The following TASP1 variants were observed in gnomAD, a reference collection of about 807,000 sequenced individuals.
The protein encoded by TASP1 is threonine aspartase 1.
TASP1 carries 16 observed loss-of-function variants against 56.6 expected under a neutral mutation model. The ratio of observed to expected loss-of-function variants is 0.28; its 90% CI spans 0.19 to 0.43. The LOEUF is 0.43. Ranked by LOEUF, TASP1 falls within the 20% of genes least tolerant of loss-of-function variation. TASP1 has a pLI of 1.00. For synonymous variants in TASP1, 179 were observed against 184.2 expected (o/e 0.97, Z 0.23); for missense variants, 393 against 511.6 (o/e 0.77, Z 2.24).
At chr20:13,500,531 G>C (rs1023923033) in intron 10 of TASP1, among the ~76,000 whole-genome samples, 1 of 151,494 alleles carries the variant, frequency 6.6e-6, no homozygotes, top group Non-Finnish European at 1.5e-5. Flanking sequence ...ATTTATGTAA[G>C]TGAAAAAAAT....
At position 13,487,751 on chromosome 20, in the gene TASP1, A is replaced by C. The variant is rs911445835; in HGVS notation, c.875-4414T>G. On this transcript the variant is annotated intron_variant, in intron 10 of 13. Transcript: ENST00000337743. Reference sequence around the variant, plus strand: ...GAAGAATGAGCAATAGCAAAAAACAAAAAAATTATTTCAAGAAGTGAAAAT... The same window carrying C: ...GAAGAATGAGCAATAGCAAAAAACACAAAAATTATTTCAAGAAGTGAAAAT... Among the ~76,000 whole-genome samples, 3 of 152,194 alleles carry C rather than the reference A, an allele frequency of 2.0e-5. No individual in the cohort carries two copies. In the East Asian group the frequency reaches 5.8e-4, roughly 29 times the overall value.
chr20:13,110,021 A>T, the TASP1 span: 1 of 1,044,606 alleles, frequency 9.6e-7, no homozygotes. Flanking sequence ...TTTAGGTCTG[A>T]GTGTGAACAT....
rs1317646286 is a variant in TASP1 at position 13,625,177 on chromosome 20, G to A, written c.213+8C>T. 3 of 1,603,608 alleles carry A rather than the reference G, an allele frequency of 1.9e-6. No homozygotes were observed. In the African/African-American group the frequency reaches 4.0e-5, roughly 22 times the overall value. On this transcript the variant is annotated splice_region_variant and intron_variant, in intron 3 of 13. Transcript: ENST00000337743. The stretch of plus-strand genomic sequence containing the variant: ...GCAATGCACAGATCATACACATTGT[G>A]TTCATACCTTCTGACAAGCTCGTTT...
At chr20:13,539,590 T>A (rs1365770253) in intron 8 of TASP1, among the ~76,000 whole-genome samples, 2 of 152,180 alleles carry the variant, frequency 1.3e-5, no homozygotes, top group Non-Finnish European at 2.9e-5. Flanking sequence ...TTTATACTAT[T>A]TATTTCCTAA....
chr20:13,362,373 A>C, the TASP1 span, among the ~76,000 whole-genome samples: 10 of 151,888 alleles, frequency 6.6e-5, no homozygotes, highest in Admixed American at 2.0e-4. Flanking sequence ...ATGAAATTCC[A>C]CAACAAAAGA....
chr20:13,492,080 C>T (rs1273039140), intron 10 of TASP1, among the ~76,000 whole-genome samples: 1 of 152,202 alleles, frequency 6.6e-6, no homozygotes, highest in East Asian at 1.9e-4. Flanking sequence ...AGCAGAGACA[C>T]AACCCACATT....
chr20:13,359,898 AC>A, the TASP1 span, among the ~76,000 whole-genome samples: 1 of 151,478 alleles, frequency 6.6e-6, no homozygotes, highest in Non-Finnish European at 1.5e-5. Flanking sequence ...CCGATCATGC[AC>A]CCCTTACCAT....
At chr20:13,541,261 G>A (rs1293357192) in intron 8 of TASP1, among the ~76,000 whole-genome samples, 1 of 152,126 alleles carries the variant, frequency 6.6e-6, no homozygotes, top group Non-Finnish European at 1.5e-5. Context: ...CCAAATTCCT[G>A]GAAGCTCAGT....
At chr20:13,325,765 A>G in the TASP1 span, among the ~76,000 whole-genome samples, 15 of 152,208 alleles carry the variant, frequency 9.9e-5, no homozygotes, top group Admixed American at 3.3e-4. Flanking sequence ...CTTACATGCC[A>G]GTAATTACTC....
chr20:13,240,080 C>A, the TASP1 span, among the ~76,000 whole-genome samples: 2 of 152,110 alleles, frequency 1.3e-5, no homozygotes, highest in African/African-American at 2.4e-5. Context: ...TGCAGTAAGG[C>A]AAATGAAATA....
intron 9 of TASP1, among the ~76,000 whole-genome samples, chr20:13,532,758 T>C (rs993201599): frequency 2.6e-5 from 4 of 152,174 alleles, no homozygotes; most frequent in Admixed American, 2.0e-4. Context: ...GAGAAAGTCA[T>C]GGGGACTATA....
chr20:13,400,059 C>G (rs2041680995), intron 13 of TASP1, among the ~76,000 whole-genome samples: 1 of 152,230 alleles, frequency 6.6e-6, no homozygotes, highest in Non-Finnish European at 1.5e-5. Context: ...AACCCCTTCC[C>G]TAGCTTCACA....
chr20:13,358,016 C>T, the TASP1 span, among the ~76,000 whole-genome samples: 2 of 152,108 alleles, frequency 1.3e-5, no homozygotes, highest in Non-Finnish European at 1.5e-5. Context: ...GAAATTCCCC[C>T]ACAAAAGAAG....
chr20:13,116,076 A>G, the TASP1 span, among the ~76,000 whole-genome samples: 210 of 152,314 alleles, frequency 1.4e-3, no homozygotes, highest in Non-Finnish European at 2.7e-3. Flanking sequence ...GAACTCGGCC[A>G]TCCAAAACTA....
chr20:13,397,143 T>C (rs865849589), intron 13 of TASP1, among the ~76,000 whole-genome samples: 13 of 152,350 alleles, frequency 8.5e-5, no homozygotes, highest in Admixed American at 5.9e-4. Flanking sequence ...AGAATTATCA[T>C]GAATATTCCC....
chr20:13,232,608 G>A, the TASP1 span, among the ~76,000 whole-genome samples: 1 of 152,218 alleles, frequency 6.6e-6, no homozygotes, highest in Non-Finnish European at 1.5e-5. Flanking sequence ...AAGCCTTTGT[G>A]TGAACATTTG....
intron 7 of TASP1, among the ~76,000 whole-genome samples, chr20:13,562,946 T>A (rs1269372653): frequency 2.1e-5 from 3 of 144,774 alleles, no homozygotes; most frequent in African/African-American, 7.6e-5. Flanking sequence ...TGTGTGTGTG[T>A]GTTGTGTATG....
the TASP1 span, among the ~76,000 whole-genome samples, chr20:13,255,287 C>G: frequency 6.6e-6 from 1 of 152,148 alleles, no homozygotes; most frequent in Non-Finnish European, 1.5e-5. Flanking sequence ...ATAAAATGCT[C>G]TTTTTGTTGT....
chr20:13,363,135 C>T, the TASP1 span, among the ~76,000 whole-genome samples: 2 of 152,098 alleles, frequency 1.3e-5, no homozygotes, highest in African/African-American at 4.8e-5. Context: ...GTGATAGAAG[C>T]ATCTTTTGTT....
Sources: gnomAD v4.1 joint callset for allele counts (sites outside exome capture counted in the v4.1 genomes callset) on GRCh38, gnomAD v4.1.1 for gene constraint, MANE v1.5 for transcripts, NCBI Gene and HGNC (gene_info 2026-07-23, HGNC 2026-07-21) for gene names.